Variants in MYOF observed in about 807,000 individuals in gnomAD.
MYOF encodes myoferlin, also known as fer-1-like 3, myoferlin.
MYOF carries 244 observed loss-of-function variants against 284.2 expected under a neutral mutation model. The ratio of observed to expected loss-of-function variants is 0.86; its 90% CI spans 0.77 to 0.95. The LOEUF (loss-of-function observed/expected upper bound fraction) is 0.95, where lower values mean the gene tolerates loss of function less well. MYOF is among the 40% of genes least tolerant of loss of function. The pLI is 0.00. For missense variants in MYOF, 2,496 were observed against 2,560.6 expected (o/e 0.97, Z 0.54); for synonymous variants, 904 against 919.7 (o/e 0.98, Z 0.31).
At chr10:93,397,176 C>A in intron 15 of MYOF, 71 bp downstream of exon 15, 1 of 1,315,818 alleles carries the variant, frequency 7.6e-7, no homozygotes, top group Non-Finnish European at 1.1e-6. Context: ...AAGAGACAAT[C>A]CAGAGTAATG....
intron 36 of MYOF, among the ~76,000 whole-genome samples, chr10:93,348,218 G>T (rs939098355): frequency 2.6e-5 from 4 of 152,176 alleles, no homozygotes; most frequent in Non-Finnish European, 4.4e-5. Flanking sequence ...CTAGCCCAGG[G>T]CTTTGGTCAT....
Position 93,369,110 on chromosome 10 carries a change from C to CTTTTTTTTTTTTTTTTTTT in MYOF, c.2589+516_2589+534dup, listed in dbSNP as rs66923086. 2.4e-4 allele frequency among the ~76,000 whole-genome samples: 19 copies of CTTTTTTTTTTTTTTTTTTT among 78,312 alleles called. 2 individuals are homozygous for CTTTTTTTTTTTTTTTTTTT. The highest frequency in any genetic ancestry group is 1.2e-3 in the African/African-American group (18 of 15,448). 51.4% of individuals were successfully genotyped at this position (78,312 alleles called of 152,430 possible). On this transcript the variant is annotated intron_variant, in intron 25 of 53. Transcript: ENST00000359263. ...TATTGTTTTAGAAGTATTCAGACAG[C>CTTTTTTTTTTTTTTTTTTT]TTTTTTTTTTTTTTTTTTTTTTGCC...
At chr10:93,402,398 T>G in intron 10 of MYOF, 51 bp from the exon 11 acceptor site, 1 of 1,405,224 alleles carries the variant, frequency 7.1e-7, no homozygotes, top group Non-Finnish European at 1.0e-6. Flanking sequence ...AAGGTACTGA[T>G]AAGTCTGTGA....
chr10:93,411,919 T>A (rs943412513), intron 5 of MYOF, among the ~76,000 whole-genome samples: 27 of 152,170 alleles, frequency 1.8e-4, no homozygotes, highest in Admixed American at 1.5e-3. Flanking sequence ...TTTTTCAGGT[T>A]CTTCTGTGGG....
At chr10:93,445,357 C>G (rs2056400659) in intron 3 of MYOF, among the ~76,000 whole-genome samples, 1 of 152,240 alleles carries the variant, frequency 6.6e-6, no homozygotes, top group East Asian at 1.9e-4. Context: ...ATGCAAAGGG[C>G]TGGGCACAGC....
intron 28 of MYOF, among the ~76,000 whole-genome samples, chr10:93,360,839 A>G (rs1845034657): frequency 6.6e-6 from 1 of 152,090 alleles, no homozygotes; most frequent in Admixed American, 6.5e-5. Flanking sequence ...GAATAGAGAA[A>G]ATCTTGACTC....
At chr10:93,337,373 G>A (rs567098327) in intron 40 of MYOF, among the ~76,000 whole-genome samples, 7 of 151,970 alleles carry the variant, frequency 4.6e-5, no homozygotes, top group Non-Finnish European at 8.8e-5. Context: ...ATGTTCTCAC[G>A]GCTGTGATTT....
intron 49 of MYOF, among the ~76,000 whole-genome samples, chr10:93,319,593 T>C (rs1446566356): frequency 6.6e-6 from 1 of 152,152 alleles, no homozygotes; most frequent in Non-Finnish European, 1.5e-5. Flanking sequence ...TTGTTTATAC[T>C]AATACAAAAC....
chr10:93,477,360 C>T (rs757964731), intron 1 of MYOF, among the ~76,000 whole-genome samples: 7 of 151,858 alleles, frequency 4.6e-5, no homozygotes, highest in Non-Finnish European at 8.8e-5. Flanking sequence ...GGTGTGGTGG[C>T]GCATGCCTGT....
intron 51 of MYOF, among the ~76,000 whole-genome samples, chr10:93,311,231 G>C (rs1261552997): frequency 6.6e-6 from 1 of 152,130 alleles, no homozygotes; most frequent in Non-Finnish European, 1.5e-5. Flanking sequence ...CTCATGTAAT[G>C]CTCATGGCAA....
intron 1 of MYOF, among the ~76,000 whole-genome samples, chr10:93,476,425 T>C (rs960749842): frequency 1.3e-5 from 2 of 151,914 alleles, no homozygotes; most frequent in East Asian, 3.9e-4. Flanking sequence ...CTAATATTTC[T>C]ATTTTTAGTA....
intron 12 of MYOF, 129 bp downstream of exon 12, chr10:93,401,289 A>T (rs1847280606): frequency 1.5e-6 from 2 of 1,292,694 alleles, no homozygotes; most frequent in African/African-American, 1.5e-5. Context: ...GAATGAAAAT[A>T]AGCCCATGAA....
intron 21 of MYOF, among the ~76,000 whole-genome samples, chr10:93,377,792 A>G (rs1406274782): frequency 6.6e-6 from 1 of 152,210 alleles, no homozygotes; most frequent in Admixed American, 6.5e-5. Context: ...TTTAGGATTG[A>G]ACCAAGGAGT....
At chr10:93,465,216 G>A (rs530943045) in intron 1 of MYOF, among the ~76,000 whole-genome samples, 6 of 152,260 alleles carry the variant, frequency 3.9e-5, no homozygotes, top group South Asian at 4.1e-4. Flanking sequence ...TTCAAACCCC[G>A]GTCGAAAGAG....
intron 3 of MYOF, among the ~76,000 whole-genome samples, chr10:93,437,614 G>A (rs1339921778): frequency 6.6e-6 from 1 of 152,188 alleles, no homozygotes; most frequent in Non-Finnish European, 1.5e-5. Flanking sequence ...CTCTAAGCAG[G>A]AACAGCAATC....
intron 48 of MYOF, among the ~76,000 whole-genome samples, chr10:93,321,435 T>TTA (rs1554836719): frequency 2.2e-5 from 3 of 138,144 alleles, no homozygotes; most frequent in South Asian, 2.3e-4. Flanking sequence ...TTTTTTTTTT[T>TTA]ACAAGAGCCA....
Position 93,436,087 on chromosome 10 carries a change from AAG to A in MYOF, c.237-4573_237-4572del, listed in dbSNP as rs532829293. Among the ~76,000 whole-genome samples, 8 of 152,216 alleles carry A rather than the reference AAG, an allele frequency of 5.3e-5. No homozygotes were observed. The South Asian group carries it at 1.7e-3, about 32-fold the overall frequency. On this transcript the variant is annotated intron_variant, in intron 3 of 53. Coordinates refer to ENST00000359263, the MANE Select transcript of MYOF (RefSeq NM_013451.4). Reference sequence around the variant, plus strand: ...TCGTGAATCAAACTAGAATTCACACAAGAGTGTCAGGAGAGAAGGTTAGGCCA... The same window carrying A: ...TCGTGAATCAAACTAGAATTCACACAAGTGTCAGGAGAGAAGGTTAGGCCA...
chr10:93,351,267 G>T lies in MYOF; in HGVS notation c.3851C>A (p.Pro1284His), dbSNP rs200385861. 100 of 1,613,674 alleles carry T rather than the reference G, an allele frequency of 6.2e-5. No individual in the cohort carries two copies. The highest frequency in any genetic ancestry group is 7.5e-5 in the Non-Finnish European group (88 of 1,179,912). The change falls in exon 35 of 54, where the codon CCT (proline) becomes CAT (histidine). Residue 1284 changes from proline (P) to histidine (H), a missense_variant. Coordinates refer to ENST00000359263, the MANE Select transcript of MYOF (RefSeq NM_013451.4). ...KDGSNLPILP[P>H]QRAPNLYMVP... ...CATGTATAGATTTGGCGCCCTTTGA[G>T]GGGGAAGAATGGGAAGGTTGGAGCC...
intron 1 of MYOF, chr10:93,478,113 A>G: frequency 4.2e-6 from 1 of 238,774 alleles, no homozygotes; most frequent in Non-Finnish European, 8.1e-6. Flanking sequence ...TCTTATGTCT[A>G]CATGCATTTT....
Sources: gnomAD v4.1 joint callset for allele counts (sites outside exome capture counted in the v4.1 genomes callset) on GRCh38, gnomAD v4.1.1 for gene constraint, MANE v1.5 for transcripts, NCBI Gene and HGNC (gene_info 2026-07-23, HGNC 2026-07-21) for gene names.